The following SOS1 variants were observed in gnomAD, a reference collection of about 807,000 sequenced individuals.
SOS1 encodes the protein SOS Ras/Rac guanine nucleotide exchange factor 1, also known as son of sevenless homolog 1.
A neutral mutation model predicts 157.6 loss-of-function variants in SOS1; 25 were observed. The ratio of observed to expected loss-of-function variants is 0.16; its 90% CI spans 0.12 to 0.22. SOS1 has a LOEUF of 0.22. SOS1 is among the 10% of genes least tolerant of loss of function. The probability of loss-of-function intolerance (pLI) is 1.00; values close to 1 mark genes in which losing one functional copy is unlikely to be tolerated. For synonymous variants in SOS1, 528 were observed against 534.0 expected (o/e 0.99, Z 0.16); for missense variants, 1,237 against 1,599.1 (o/e 0.77, Z 3.86).
intron 1 of SOS1, among the ~76,000 whole-genome samples, chr2:39,072,348 T>C (rs984169718): frequency 5.9e-5 from 9 of 152,306 alleles, no homozygotes; most frequent in South Asian, 2.1e-4. Flanking sequence ...TTCTGTGTTA[T>C]AGAGGTGAGG....
At chr2:39,067,394 C>G (rs370667906) in intron 2 of SOS1, among the ~76,000 whole-genome samples, 1 of 151,956 alleles carries the variant, frequency 6.6e-6, no homozygotes. Flanking sequence ...GGATGCTCAA[C>G]CAGTAAATAT....
chr2:39,010,391 G>A (rs529628445), intron 15 of SOS1, among the ~76,000 whole-genome samples, 193 bp downstream of exon 15: 2 of 151,806 alleles, frequency 1.3e-5, no homozygotes, highest in Non-Finnish European at 2.9e-5. Context: ...TGTAATCCTG[G>A]TTACTCTGGA....
intron 2 of SOS1, among the ~76,000 whole-genome samples, chr2:39,062,435 T>TAAAAAAAAAAAAAAAAAAAA (rs397974197): frequency 7.2e-6 from 1 of 138,448 alleles, no homozygotes; most frequent in African/African-American, 2.7e-5. Flanking sequence ...AAAAAAAAAT[T>TAAAAAAAAAAAAAAAAAAAA]AAAAAAAAAA....
chr2:39,036,507 C>G (rs1042902539), intron 6 of SOS1, among the ~76,000 whole-genome samples: 6 of 152,128 alleles, frequency 3.9e-5, no homozygotes, highest in African/African-American at 1.4e-4. Context: ...CACACCACCG[C>G]GCCTGGTTAC....
At chr2:39,053,131 C>T (rs1671080369) in intron 5 of SOS1, among the ~76,000 whole-genome samples, 1 of 152,018 alleles carries the variant, frequency 6.6e-6, no homozygotes, top group East Asian at 1.9e-4. Context: ...CCAGCCTGGG[C>T]AACAGGCCGA....
intron 8 of SOS1, among the ~76,000 whole-genome samples, chr2:39,024,973 A>G (rs1669909654): frequency 6.6e-6 from 1 of 152,254 alleles, no homozygotes; most frequent in African/African-American, 2.4e-5. Flanking sequence ...CTACTTAACA[A>G]GAACTAAGTC....
intron 8 of SOS1, among the ~76,000 whole-genome samples, chr2:39,030,891 A>G (rs904406512): frequency 1.3e-5 from 2 of 152,172 alleles, no homozygotes; most frequent in Non-Finnish European, 2.9e-5. Flanking sequence ...ATGCAGACAC[A>G]TAGAGAAGAA....
chr2:39,101,903 T>C (rs1254320954), intron 1 of SOS1, among the ~76,000 whole-genome samples: 1 of 152,016 alleles, frequency 6.6e-6, no homozygotes, highest in African/African-American at 2.4e-5. Context: ...TGATTCTTTT[T>C]TTAATTAAAA....
chr2:39,074,282 A>C (rs1340907130), intron 1 of SOS1, among the ~76,000 whole-genome samples: 1 of 150,328 alleles, frequency 6.7e-6, no homozygotes. Context: ...CCCGGGAGGC[A>C]GAGGCTGCAG....
chr2:39,012,271 C>T lies in SOS1; in HGVS notation c.2245G>A (p.Gly749Ser). The T allele has an allele frequency of 6.2e-7, 1 of 1,613,460 alleles. No homozygotes were observed. Among genetic ancestry groups the T allele is most frequent in the Non-Finnish European group, 8.5e-7 (1 of 1,179,582 alleles). Residue 749 changes from glycine (G) to serine (S), a missense_variant, in exon 14 of 23, where the codon GGT becomes AGT. By Grantham distance (56) the Gly-to-Ser change is moderately conservative (BLOSUM62 0). Coordinates refer to ENST00000402219, the MANE Select transcript of SOS1 (RefSeq NM_005633.4). ...RKKIARDNGP[G>S]HNITFQSSPP... ...GAACTCTGAAATGTAATATTATGAC[C>T]TGGTCCATTGTCTCTTGCAATTTTT... is the stretch of plus-strand genomic sequence containing the variant.
In SOS1 at chr2:39,028,889, G is replaced by A. The variant is rs146875013; in HGVS notation, c.1075-4752C>T. 1.7e-3 allele frequency among the ~76,000 whole-genome samples: 266 copies of A among 152,266 alleles called. 3 individuals carry two copies. Among genetic ancestry groups the A allele is most frequent in the African/African-American group, 5.4e-3 (226 of 41,562 alleles). ...GATTTTGGAATGTTATTTGCATACC[G>A]TTTGATGAGACACCACAGTGGATTA... is the stretch of plus-strand genomic sequence containing the variant. On this transcript the variant is annotated intron_variant, in intron 8 of 22. Coordinates refer to ENST00000402219, the MANE Select transcript of SOS1 (RefSeq NM_005633.4).
At chr2:39,090,230 G>T (rs1032376977) in intron 1 of SOS1, among the ~76,000 whole-genome samples, 2 of 151,906 alleles carry the variant, frequency 1.3e-5, no homozygotes, top group African/African-American at 4.8e-5. Context: ...AGCGCCTAGG[G>T]CTAGTTTAGT....
chr2:39,016,030 T>C (rs1381609764), intron 10 of SOS1, among the ~76,000 whole-genome samples: 1 of 152,008 alleles, frequency 6.6e-6, no homozygotes, highest in Non-Finnish European at 1.5e-5. Context: ...CAGAATGTAT[T>C]TGTTTGGAAA....
chr2:38,994,443 G>A (rs942945070), intron 20 of SOS1, among the ~76,000 whole-genome samples: 1 of 152,166 alleles, frequency 6.6e-6, no homozygotes, highest in Non-Finnish European at 1.5e-5. Context: ...CTGGGTAGAC[G>A]AAAAGGGCTT....
At chr2:39,102,984 T>G (rs1673029301) in intron 1 of SOS1, among the ~76,000 whole-genome samples, 1 of 151,994 alleles carries the variant, frequency 6.6e-6, no homozygotes, top group South Asian at 2.1e-4. Flanking sequence ...AAAAAAAATT[T>G]AAGTAGTTGT....
chr2:39,068,621 G>C (rs1671674053), intron 1 of SOS1, among the ~76,000 whole-genome samples: 1 of 151,886 alleles, frequency 6.6e-6, no homozygotes, highest in Non-Finnish European at 1.5e-5. Context: ...CACAAAATTT[G>C]TAACTGTCTA....
intron 6 of SOS1, among the ~76,000 whole-genome samples, chr2:39,043,789 T>G (rs547239971): frequency 2.6e-5 from 4 of 152,178 alleles, no homozygotes; most frequent in African/African-American, 7.2e-5. Context: ...CCCACCCTGA[T>G]GACCTTATCT....
chr2:39,087,118 T>C (rs1008034334), intron 1 of SOS1, among the ~76,000 whole-genome samples: 1 of 152,130 alleles, frequency 6.6e-6, no homozygotes, highest in Admixed American at 6.5e-5. Flanking sequence ...CTGGTGACAG[T>C]TTTTGAAAAT....
At chr2:39,061,676 C>T (rs1249149594) in intron 2 of SOS1, among the ~76,000 whole-genome samples, 3 of 152,206 alleles carry the variant, frequency 2.0e-5, no homozygotes, top group Admixed American at 2.0e-4. Flanking sequence ...ACATGAGCCA[C>T]TGCATTCGGC....
Sources: gnomAD v4.1 joint callset for allele counts (sites outside exome capture counted in the v4.1 genomes callset) on GRCh38, gnomAD v4.1.1 for gene constraint, MANE v1.5 for transcripts, NCBI Gene and HGNC (gene_info 2026-07-23, HGNC 2026-07-21) for gene names.